The following VPS35 variants were observed in gnomAD, a reference collection of about 807,000 sequenced individuals.
VPS35 encodes the protein VPS35 retromer complex component, also known as vacuolar protein sorting-associated protein 35.
VPS35 carries 21 observed loss-of-function variants against 98.1 expected under a neutral mutation model. The ratio of observed to expected loss-of-function variants is 0.21; its 90% CI spans 0.15 to 0.31. The LOEUF (loss-of-function observed/expected upper bound fraction) is 0.31. Ranked by LOEUF, VPS35 falls within the 10% of genes least tolerant of loss-of-function variation. VPS35 has a pLI of 1.00. For missense variants in VPS35, 554 were observed against 950.8 expected (o/e 0.58, Z 5.49); for synonymous variants, 268 against 318.2 (o/e 0.84, Z 1.68).
intron 5 of VPS35, among the ~76,000 whole-genome samples, chr16:46,679,522 T>C (rs759029461): frequency 6.6e-6 from 1 of 152,092 alleles, no homozygotes; most frequent in Non-Finnish European, 1.5e-5. Flanking sequence ...AGGCCAGGAG[T>C]TTAAAACTGG....
intron 13 of VPS35, among the ~76,000 whole-genome samples, chr16:46,665,770 T>C (rs751747045): frequency 1.3e-5 from 2 of 152,244 alleles, no homozygotes; most frequent in Non-Finnish European, 2.9e-5. Flanking sequence ...TGGCAACTAC[T>C]GTTCTAGTCT....
intron 13 of VPS35, among the ~76,000 whole-genome samples, chr16:46,667,937 A>AATGT (rs1966012823): frequency 6.6e-6 from 1 of 152,174 alleles, no homozygotes; most frequent in African/African-American, 2.4e-5. Context: ...ATGGCTTTGT[A>AATGT]ATGTAGGCTG....
At chr16:46,669,431 C>T (rs1966036532) in intron 12 of VPS35, among the ~76,000 whole-genome samples, 1 of 152,010 alleles carries the variant, frequency 6.6e-6, no homozygotes, top group Admixed American at 6.6e-5. Flanking sequence ...TTTGGGAGGC[C>T]GAAGGTGGAC....
chr16:46,672,622 C>T, intron 10 of VPS35, 150 bp from the exon 11 acceptor site: 1 of 667,054 alleles, frequency 1.5e-6, no homozygotes, highest in South Asian at 1.8e-5. Flanking sequence ...CTATAACAAC[C>T]TCCTTTCAGG....
intron 5 of VPS35, among the ~76,000 whole-genome samples, chr16:46,680,093 A>G (rs780848506): frequency 2.0e-5 from 3 of 152,238 alleles, no homozygotes; most frequent in African/African-American, 4.8e-5. Context: ...ACTGAAGACC[A>G]CAGTTGGCTG....
intron 12 of VPS35, among the ~76,000 whole-genome samples, chr16:46,670,839 AAC>A (rs1966057468): frequency 1.3e-5 from 2 of 152,212 alleles, no homozygotes; most frequent in Non-Finnish European, 2.9e-5. Flanking sequence ...CAGGTGTGTC[AAC>A]TACAATGAAG....
chr16:46,668,870 C>T (rs868719540), intron 13 of VPS35, 60 bp downstream of exon 13: 7 of 1,603,408 alleles, frequency 4.4e-6, no homozygotes, highest in Middle Eastern at 1.8e-4. Context: ...AACAAACACA[C>T]ACACACTCAG....
chr16:46,674,538 G>A (rs766573416), intron 9 of VPS35, 26 bp downstream of exon 9: 4 of 1,606,324 alleles, frequency 2.5e-6, no homozygotes, highest in Non-Finnish European at 3.4e-6. Flanking sequence ...AAAGTTTTGA[G>A]AACTTAGGAG....
At chr16:46,681,672 G>A in intron 3 of VPS35, 172 bp from the exon 4 acceptor site, 1 of 748,006 alleles carries the variant, frequency 1.3e-6, no homozygotes, top group Non-Finnish European at 2.2e-6. Flanking sequence ...TTAAAATAAG[G>A]GTTTTAAAGC....
chr16:46,678,305 TAAAAAAA>T (rs58288436), intron 6 of VPS35, among the ~76,000 whole-genome samples: 1 of 119,396 alleles, frequency 8.4e-6, no homozygotes, highest in African/African-American at 3.1e-5. Flanking sequence ...TGATGAGCTT[TAAAAAAA>T]AAAAAAAAAA....
At chr16:46,674,270 C>T (rs536411044) in intron 10 of VPS35, 44 bp downstream of exon 10, 12 of 1,608,574 alleles carry the variant, frequency 7.5e-6, no homozygotes, top group Non-Finnish European at 9.4e-6. Flanking sequence ...AAATCTAGGA[C>T]AAAAATATCT....
rs547369855 is a variant in VPS35 at position 46,662,275 on chromosome 16, A to G, written c.2035T>C (p.Ser679Pro). 5.0e-6 allele frequency: 8 copies of G among 1,614,108 alleles called. No individual in the cohort carries two copies. The East Asian group carries it at 1.8e-4, about 36-fold the overall frequency. Residue 679 changes from serine to proline, a missense_variant, in exon 15 of 17, where the codon TCT becomes CCT. This residue lies in a region of VPS35 where 153 missense variants were observed against 211.0 expected (regional missense o/e 0.73). Coordinates refer to ENST00000299138, the MANE Select transcript of VPS35 (RefSeq NM_018206.6). Reference protein sequence around the residue: ...AVSTCAHLFWSGRNTDKNGEE... With the variant: ...AVSTCAHLFWPGRNTDKNGEE... ...CCATTTTTGTCCGTGTTTCTGCCAG[A>G]CCAGAAGAGATGTGCACAGGTGCTC... is the stretch of plus-strand genomic sequence containing the variant.
intron 11 of VPS35, 68 bp downstream of exon 11, chr16:46,672,197 G>A (rs1966079201): frequency 1.5e-6 from 2 of 1,359,200 alleles, no homozygotes; most frequent in Non-Finnish European, 2.1e-6. Flanking sequence ...TCCCATCTCA[G>A]GTATCTAGGT....
chr16:46,662,287 G>A lies in VPS35; in HGVS notation c.2023C>T (p.His675Tyr), dbSNP rs1965925053. 3 of 1,614,104 alleles carry A rather than the reference G, an allele frequency of 1.9e-6. No individual in the cohort carries two copies. Among genetic ancestry groups the A allele is most frequent in the Non-Finnish European group, 8.5e-7 (1 of 1,180,026 alleles). The change falls in exon 15 of 17, where the codon CAT (histidine) becomes TAT (tyrosine). Residue 675 changes from histidine to tyrosine, a missense_variant. His to Tyr is a moderately conservative substitution (Grantham distance 83). Transcript: ENST00000299138. The part of the protein sequence containing the change: ...DQGRAVSTCA[H>Y]LFWSGRNTDK... Reference sequence around the variant, plus strand: ...GTGTTTCTGCCAGACCAGAAGAGATGTGCACAGGTGCTCACAGCTCGGCCC... The same window carrying A: ...GTGTTTCTGCCAGACCAGAAGAGATATGCACAGGTGCTCACAGCTCGGCCC...
chr16:46,680,608 C>G (rs1445961875), intron 5 of VPS35, 63 bp downstream of exon 5: 1 of 1,543,492 alleles, frequency 6.5e-7, no homozygotes, highest in South Asian at 1.1e-5. Context: ...TATGTTTCCA[C>G]ACTTTTATAC....
chr16:46,676,653 A>C lies in VPS35; in HGVS notation c.844T>G (p.Phe282Val). The C allele has an allele frequency of 6.2e-7, 1 of 1,613,512 alleles. No individual in the cohort carries two copies. The highest frequency in any genetic ancestry group is 8.5e-7 in the Non-Finnish European group (1 of 1,179,766). ...DEFHLQTLNP[F>V]LRACAELHQN... ...TGTAACTCAGCACAGGCCCGAAGAAAAGGATTCAAAGTCTGGAGGTGAAAT... is the reference window on the plus strand; with the variant it reads ...TGTAACTCAGCACAGGCCCGAAGAACAGGATTCAAAGTCTGGAGGTGAAAT... The change falls in exon 8 of 17, where the codon TTT becomes GTT. Residue 282 changes from phenylalanine (F) to valine (V), a missense_variant. Phe to Val is a conservative substitution (Grantham distance 50). Transcript: ENST00000299138.
At position 46,669,036 on chromosome 16, in the gene VPS35, C is replaced by T. The variant is rs1205245879; in HGVS notation, c.1541G>A (p.Arg514Gln). Residue 514 changes from arginine to glutamine, a missense_variant, in exon 13 of 17, where the codon CGA (arginine) becomes CAA (glutamine). By Grantham distance (43) the Arg-to-Gln change is conservative. Around this residue, in one of 5 missense-constraint regions of VPS35, gnomAD observed 254 missense variants for 390.1 expected, o/e 0.65. Transcript: ENST00000299138. ...ATTTCCACCAGCTCCAAAATGTTTT[C>T]GTGCTGTGTTCAAAATCTGACCCAA... ...DQQYLILNTA[R>Q]KHFGAGGNQR... is the part of the protein sequence containing the mutation. 1 of 1,614,058 alleles carries T rather than the reference C, an allele frequency of 6.2e-7. No individual in the cohort carries two copies. Among genetic ancestry groups the T allele is most frequent in the African/African-American group, 1.3e-5 (1 of 75,034 alleles).
rs1446427594 is a variant in VPS35 at position 46,659,394 on chromosome 16, G to A, written c.*1078C>T. 2.6e-5 allele frequency: 4 copies of A among 152,248 alleles called. No homozygotes were observed. The highest frequency in any genetic ancestry group is 5.9e-5 in the Non-Finnish European group (4 of 68,050). The allele number at this position is 152,248 out of a possible 1,614,324, so 9.4% of individuals were successfully genotyped here. A position where few individuals can be genotyped will look rare whatever the true frequency, so the allele number is the denominator to read the frequency against. On this transcript the variant is annotated 3_prime_UTR_variant, in exon 17 of 17. Coordinates refer to ENST00000299138, the MANE Select transcript of VPS35 (RefSeq NM_018206.6). Reference sequence around the variant, plus strand: ...AATGTTTGCTGTTTTAAGACAGTAAGTTTTGGGATGGTTTATTATATAGTA... The same window carrying A: ...AATGTTTGCTGTTTTAAGACAGTAAATTTTGGGATGGTTTATTATATAGTA...
chr16:46,661,007 C>T lies in VPS35; in HGVS notation c.2212-356G>A, dbSNP rs1052282660. The T allele has an allele frequency of 2.8e-6, 1 of 358,976 alleles. No homozygotes were observed. The highest frequency in any genetic ancestry group is 2.2e-5 in the South Asian group (1 of 45,058). 22.2% of individuals were successfully genotyped at this position (358,976 alleles called of 1,614,324 possible). On this transcript the variant is annotated intron_variant, in intron 16 of 16. Transcript: ENST00000299138. This position sits in a 1 kb window ranked among gnomAD's most constrained non-coding sequence, Gnocchi z 4.3. ...AGTAATAATACAAAAATTAGCTGGG[C>T]GTGGTGCCGGGCGCCTATAATACCA...
Sources: gnomAD v4.1 joint callset for allele counts (sites outside exome capture counted in the v4.1 genomes callset) on GRCh38, gnomAD v4.1.1 for gene constraint, gnomAD v4.1.1 regional missense constraint, Gnocchi (gnomAD v3.1) non-coding constraint, MANE v1.5 for transcripts, NCBI Gene and HGNC (gene_info 2026-07-23, HGNC 2026-07-21) for gene names.